The following CMTM8 variants were observed in gnomAD, a reference collection of about 807,000 sequenced individuals.
CMTM8 encodes CKLF like MARVEL transmembrane domain containing 8.
CMTM8 carries 12 observed loss-of-function variants against 18.6 expected under a neutral mutation model. The observed-to-expected ratio is 0.65, with a 90% CI of 0.41 to 1.05. CMTM8 has a LOEUF of 1.05. CMTM8 is among the 50% of genes least tolerant of loss of function. The pLI, the probability that CMTM8 is intolerant of heterozygous loss-of-function variation, is 0.00. For synonymous variants in CMTM8, 87 were observed against 90.6 expected (o/e 0.96, Z 0.23); for missense variants, 217 against 227.2 (o/e 0.95, Z 0.29).
At chr3:32,291,254 G>T (rs191912360) in intron 1 of CMTM8, among the ~76,000 whole-genome samples, 1,551 of 152,046 alleles carry the variant, frequency 0.01, 31 homozygotes, top group African/African-American at 0.035. Context: ...TCAGCCTCCT[G>T]AGTAGCTGGG....
At chr3:32,332,514 G>A (rs186876804) in intron 1 of CMTM8, among the ~76,000 whole-genome samples, 106 of 152,276 alleles carry the variant, frequency 7.0e-4, no homozygotes, top group African/African-American at 2.1e-3. Flanking sequence ...GAGGCGATGG[G>A]AAAGGAGATC....
intron 1 of CMTM8, among the ~76,000 whole-genome samples, chr3:32,349,942 A>C (rs2125594363): frequency 6.6e-6 from 1 of 152,278 alleles, no homozygotes; most frequent in East Asian, 1.9e-4. Flanking sequence ...TGGGAGACGG[A>C]GGTTGCAGTG....
rs1383510183 is a variant in CMTM8 at position 32,259,929 on chromosome 3, A to G, written c.147+20810A>G. 61 of 1,129,104 alleles carry G rather than the reference A, an allele frequency of 5.4e-5. 1 individual carries two copies. The Middle Eastern group carries it at 1.1e-3, about 20-fold the overall frequency. The allele number at this position is 1,129,104 out of a possible 1,614,324, so 69.9% of individuals were successfully genotyped here. ...AGCCTGAGGGAGGTGGAGGCCCGCT[A>G]CACCCTGCAGATAGAGCAGCTCAAC... is the stretch of plus-strand genomic sequence containing the variant. On this transcript the variant is annotated intron_variant, in intron 1 of 3. Coordinates refer to ENST00000307526, the MANE Select transcript of CMTM8 (RefSeq NM_178868.5).
chr3:32,345,285 G>A (rs1336252661), intron 1 of CMTM8, among the ~76,000 whole-genome samples: 4 of 152,106 alleles, frequency 2.6e-5, no homozygotes, highest in Non-Finnish European at 5.9e-5. Context: ...AGCCCAGGGA[G>A]GTTGAGGCTG....
At chr3:32,365,277 C>T (rs576821888) in intron 2 of CMTM8, among the ~76,000 whole-genome samples, 95 of 149,828 alleles carry the variant, frequency 6.3e-4, no homozygotes, top group African/African-American at 2.3e-3. Flanking sequence ...CTATGCATAG[C>T]TGGGTAAAAA....
intron 1 of CMTM8, chr3:32,259,583 A>C (rs2125536440): frequency 1.1e-6 from 1 of 934,436 alleles, no homozygotes; most frequent in Non-Finnish European, 1.8e-6. Flanking sequence ...CATGAAGAAG[A>C]ACCATGAAGA....
At chr3:32,293,111 T>C (rs1231725531) in intron 1 of CMTM8, among the ~76,000 whole-genome samples, 1 of 151,632 alleles carries the variant, frequency 6.6e-6, no homozygotes, top group Non-Finnish European at 1.5e-5. Flanking sequence ...AACTTTTACA[T>C]GTATAGATAT....
intron 1 of CMTM8, among the ~76,000 whole-genome samples, chr3:32,318,889 G>A (rs1048383357): frequency 1.3e-5 from 2 of 151,116 alleles, no homozygotes; most frequent in Non-Finnish European, 1.5e-5. Context: ...TTTATGGTCA[G>A]TATTGTTTCA....
intron 1 of CMTM8, among the ~76,000 whole-genome samples, chr3:32,338,271 C>T (rs755046517): frequency 9.9e-5 from 15 of 152,082 alleles, no homozygotes; most frequent in African/African-American, 1.4e-4. Context: ...TGTAAGCCAC[C>T]GTGCCCGGCC....
intron 1 of CMTM8, among the ~76,000 whole-genome samples, chr3:32,254,113 C>CA (rs1241217560): frequency 2.0e-5 from 3 of 152,170 alleles, no homozygotes; most frequent in Admixed American, 6.5e-5. Flanking sequence ...AGGCTGGTCT[C>CA]AAACTCCTGA....
intron 1 of CMTM8, among the ~76,000 whole-genome samples, chr3:32,270,707 C>G (rs1702426232): frequency 6.6e-6 from 1 of 152,056 alleles, no homozygotes; most frequent in Non-Finnish European, 1.5e-5. Flanking sequence ...ACGTCACAAC[C>G]CGGGGCCTGT....
chr3:32,357,272 G>A, intron 1 of CMTM8, 101 bp from the exon 2 acceptor site: 1 of 927,192 alleles, frequency 1.1e-6, no homozygotes, highest in Non-Finnish European at 1.7e-6. Flanking sequence ...AGTTGTAATT[G>A]ACATTCTGTA....
chr3:32,290,171 G>C (rs6771770), intron 1 of CMTM8, among the ~76,000 whole-genome samples: 1 of 151,898 alleles, frequency 6.6e-6, no homozygotes, highest in South Asian at 2.1e-4. Context: ...TATTATCTAC[G>C]ACAAAAATCC....
At chr3:32,246,664 G>A (rs1702019922) in intron 1 of CMTM8, among the ~76,000 whole-genome samples, 1 of 152,094 alleles carries the variant, frequency 6.6e-6, no homozygotes, top group Admixed American at 6.6e-5. Context: ...TAAATATCCA[G>A]GCTCCTACTG....
chr3:32,364,620 C>G (rs1255991339), intron 2 of CMTM8, among the ~76,000 whole-genome samples: 1 of 152,170 alleles, frequency 6.6e-6, no homozygotes, highest in Non-Finnish European at 1.5e-5. Context: ...AGGTGAAGCT[C>G]CAGGGGAGCC....
chr3:32,257,503 T>G (rs1216086843), intron 1 of CMTM8, among the ~76,000 whole-genome samples: 1 of 152,212 alleles, frequency 6.6e-6, no homozygotes, highest in Non-Finnish European at 1.5e-5. Flanking sequence ...TAGTGTAATT[T>G]TCTAGAAAAA....
chr3:32,263,779 C>T (rs1446439322), intron 1 of CMTM8, among the ~76,000 whole-genome samples: 7 of 152,268 alleles, frequency 4.6e-5, no homozygotes, highest in Non-Finnish European at 7.3e-5. Flanking sequence ...CTGAAAACCA[C>T]GGCACGAGAA....
At chr3:32,301,519 G>A (rs1022548925) in intron 1 of CMTM8, among the ~76,000 whole-genome samples, 1 of 151,080 alleles carries the variant, frequency 6.6e-6, no homozygotes, top group African/African-American at 2.5e-5. Context: ...TCCTGCCAGT[G>A]GTGCAGAAAG....
At chr3:32,284,768 G>C (rs1702653590) in intron 1 of CMTM8, among the ~76,000 whole-genome samples, 1 of 152,204 alleles carries the variant, frequency 6.6e-6, no homozygotes, top group Admixed American at 6.5e-5. Flanking sequence ...AAGAAAGGAA[G>C]AAGCCTGTCA....
Sources: gnomAD v4.1 joint callset for allele counts (sites outside exome capture counted in the v4.1 genomes callset) on GRCh38, gnomAD v4.1.1 for gene constraint, MANE v1.5 for transcripts, NCBI Gene and HGNC (gene_info 2026-07-23, HGNC 2026-07-21) for gene names.